The following BTAF1 variants were observed in gnomAD, a reference collection of about 807,000 sequenced individuals.
BTAF1 encodes TATA-binding protein-associated factor 172.
Under a neutral mutation model 227.1 loss-of-function variants are expected in BTAF1, and 38 were observed. That is an observed-to-expected ratio of 0.17 (90% CI 0.13 to 0.22). The LOEUF (loss-of-function observed/expected upper bound fraction) is 0.22, where lower values mean the gene tolerates loss of function less well. BTAF1 is among the 10% of genes least tolerant of loss of function. The probability of loss-of-function intolerance (pLI) is 1.00; values close to 1 mark genes in which losing one functional copy is unlikely to be tolerated. For synonymous variants in BTAF1, 742 were observed against 751.9 expected, an observed-to-expected ratio of 0.99 and a Z score of 0.21; for missense variants, 1,598 against 2,204.0, an observed-to-expected ratio of 0.73 and a Z score of 5.51.
Position 91,982,040 on chromosome 10 carries a change from T to A in BTAF1, c.1906-43T>A, listed in dbSNP as rs1848100883. ...ATTTTTGTTGTTGCCTATTCAGTTTTAATGGTTAATCTTTATTGTTTTTTT... is the reference window on the plus strand; with the variant it reads ...ATTTTTGTTGTTGCCTATTCAGTTTAAATGGTTAATCTTTATTGTTTTTTT... On this transcript the variant is annotated intron_variant, in intron 16 of 37. Coordinates refer to ENST00000265990, the MANE Select transcript of BTAF1 (RefSeq NM_003972.3). 4 of 1,582,364 alleles carry A rather than the reference T, an allele frequency of 2.5e-6. No homozygotes were observed. The East Asian group carries it at 9.0e-5, about 36-fold the overall frequency.
chr10:91,932,164 A>G (rs2133776404), intron 1 of BTAF1, among the ~76,000 whole-genome samples: 1 of 152,312 alleles, frequency 6.6e-6, no homozygotes, highest in East Asian at 1.9e-4. Flanking sequence ...AGGAGTTCTA[A>G]GTGAAGCTGG....
At chr10:91,992,448 T>TTA in intron 21 of BTAF1, 139 bp downstream of exon 21, 1 of 803,116 alleles carries the variant, frequency 1.2e-6, no homozygotes, top group Non-Finnish European at 1.9e-6. Flanking sequence ...ACTCCAACAA[T>TTA]ATGATCCAGA....
intron 1 of BTAF1, among the ~76,000 whole-genome samples, chr10:91,930,698 A>G (rs553522871): frequency 6.6e-6 from 1 of 152,364 alleles, no homozygotes; most frequent in African/African-American, 2.4e-5. Context: ...AGTTCCACGT[A>G]TTAAGTACAC....
At chr10:91,946,567 C>T (rs1845378452) in intron 4 of BTAF1, among the ~76,000 whole-genome samples, 1 of 152,134 alleles carries the variant, frequency 6.6e-6, no homozygotes, top group African/African-American at 2.4e-5. Flanking sequence ...TTTCCTAACA[C>T]TTATTATCTG....
intron 21 of BTAF1, among the ~76,000 whole-genome samples, chr10:91,993,407 A>C (rs1436580141): frequency 6.6e-6 from 1 of 152,154 alleles, no homozygotes; most frequent in Non-Finnish European, 1.5e-5. Flanking sequence ...AAAAAATGTC[A>C]CTTAGGACTA....
chr10:91,925,428 CTG>C (rs1259188987), intron 1 of BTAF1, among the ~76,000 whole-genome samples: 2 of 151,740 alleles, frequency 1.3e-5, no homozygotes, highest in Non-Finnish European at 2.9e-5. Context: ...TTAGAGCAAC[CTG>C]TGCATTTTCA....
rs779714072 is a variant in BTAF1, at chr10:91,984,285, C to G, written c.2308C>G (p.Pro770Ala). The G allele has an allele frequency of 4.3e-6, 7 of 1,613,780 alleles. No homozygotes were observed. Among genetic ancestry groups the G allele is most frequent in the Non-Finnish European group, 5.9e-6 (7 of 1,179,828 alleles). Reference sequence around the variant, plus strand: ...TTTATATTATGACGAAATTGCCGTTCCATTCACACGAATGCAGAATGAATG... The same window carrying G: ...TTTATATTATGACGAAATTGCCGTTGCATTCACACGAATGCAGAATGAATG... The part of the protein sequence containing the change: ...EHLYYDEIAV[P>A]FTRMQNECKQ... Residue 770 changes from proline to alanine, a missense_variant, in exon 19 of 38, where the codon CCA (proline) becomes GCA (alanine). Around this residue, in one of 10 missense-constraint regions of BTAF1, gnomAD observed 318 missense variants for 435.0 expected, o/e 0.73. Transcript: ENST00000265990.
chr10:92,013,560 TA>T, intron 30 of BTAF1, 106 bp from the exon 31 acceptor site: 1 of 1,383,922 alleles, frequency 7.2e-7, no homozygotes, highest in Non-Finnish European at 1.0e-6. Context: ...AATATAGTGA[TA>T]ATCTCTCATC....
At chr10:92,007,561 A>G (rs1046609859) in intron 25 of BTAF1, among the ~76,000 whole-genome samples, 4 of 152,154 alleles carry the variant, frequency 2.6e-5, no homozygotes, top group African/African-American at 9.6e-5. Flanking sequence ...CTATTTGAAA[A>G]AATGCTAATG....
chr10:91,938,988 A>AG (rs1564657647), intron 2 of BTAF1, among the ~76,000 whole-genome samples: 34 of 141,898 alleles, frequency 2.4e-4, no homozygotes, highest in African/African-American at 8.8e-4. Context: ...AAAAAAAAAA[A>AG]AGGGGGGGGG....
chr10:91,975,260 T>C (rs761209693), intron 14 of BTAF1, among the ~76,000 whole-genome samples: 13 of 152,242 alleles, frequency 8.5e-5, no homozygotes, highest in Non-Finnish European at 1.9e-4. Flanking sequence ...CATGAAGATA[T>C]ACATGAGATT....
chr10:91,992,411 T>A, intron 21 of BTAF1, 102 bp downstream of exon 21: 1 of 1,135,854 alleles, frequency 8.8e-7, no homozygotes, highest in Non-Finnish European at 1.2e-6. Context: ...TGTTTTTAAG[T>A]AAAGAAATGG....
intron 26 of BTAF1, 61 bp downstream of exon 26, chr10:92,008,336 T>TC: frequency 1.4e-6 from 2 of 1,396,694 alleles, no homozygotes; most frequent in Non-Finnish European, 1.9e-6. Flanking sequence ...TGTGGGTTTG[T>TC]TGGGGGGGGC....
chr10:91,982,347 T>C lies in BTAF1; in HGVS notation c.2048+122T>C, dbSNP rs181195684. 189 of 1,361,710 alleles carry C rather than the reference T, an allele frequency of 1.4e-4. No individual in the cohort carries two copies. In the African/African-American group the frequency reaches 2.6e-3, roughly 19 times the overall value. The allele number at this position is 1,361,710 out of a possible 1,614,324, so 84.4% of individuals were successfully genotyped here. On this transcript the variant is annotated intron_variant, in intron 17 of 37. Transcript: ENST00000265990. ...TCCTTCCTTCCTTCATCACACTAAT[T>C]ATAGCCTAAGGAAAAATTAGAGTAA...
At chr10:91,964,249 T>A (rs1388385620) in intron 13 of BTAF1, 48 bp downstream of exon 13, 1 of 1,568,236 alleles carries the variant, frequency 6.4e-7, no homozygotes, top group East Asian at 2.2e-5. Flanking sequence ...TTTACATACC[T>A]TTCGAGATAA....
intron 25 of BTAF1, among the ~76,000 whole-genome samples, chr10:92,001,965 A>C (rs1473885323): frequency 1.5e-4 from 14 of 91,862 alleles, no homozygotes; most frequent in Admixed American, 1.4e-3. Flanking sequence ...AAAAAAAAAA[A>C]AACCATATAT....
Position 92,009,279 on chromosome 10 carries a change from A to G in BTAF1, c.4103+71A>G, listed in dbSNP as rs1194562319. 4.1e-6 allele frequency: 6 copies of G among 1,466,974 alleles called. No homozygotes were observed. The East Asian group carries it at 9.2e-5, about 22-fold the overall frequency. The allele number at this position is 1,466,974 out of a possible 1,614,324, so 90.9% of individuals were successfully genotyped here. ...ATTAAGATAAGGAACAGTAACATTT[A>G]TTAAAGTGAATTCTAATTAGCTCTT... On this transcript the variant is annotated intron_variant, in intron 28 of 37. Coordinates refer to ENST00000265990, the MANE Select transcript of BTAF1 (RefSeq NM_003972.3).
rs1489813849 is a variant in BTAF1 at position 91,981,734 on chromosome 10, A to T, written c.1847A>T (p.Gln616Leu). Reference protein sequence around the residue: ...WMGAWLCLMMQPSHLPIDLNM... With the variant: ...WMGAWLCLMMLPSHLPIDLNM... ...GGTGCTTGGCTTTGCTTGATGATGC[A>T]GCCTTCTCATTTACCTATCGATTTA... Residue 616 changes from glutamine to leucine, a missense_variant, in exon 16 of 38, where the codon CAG (glutamine) becomes CTG (leucine). By Grantham distance (113) the Gln-to-Leu change is moderately radical (BLOSUM62 -2). Transcript: ENST00000265990. The T allele has an allele frequency of 6.2e-7, 1 of 1,613,862 alleles. No individual in the cohort carries two copies. The highest frequency in any genetic ancestry group is 8.5e-7 in the Non-Finnish European group (1 of 1,179,856).
In BTAF1 at chr10:91,982,164, A is replaced by G. The variant is rs761415793; in HGVS notation, c.1987A>G (p.Ile663Val). 3 of 1,613,948 alleles carry G rather than the reference A, an allele frequency of 1.9e-6. No individual in the cohort carries two copies. Among genetic ancestry groups the G allele is most frequent in the African/African-American group, 1.3e-5 (1 of 74,926 alleles). Residue 663 changes from isoleucine to valine, a missense_variant, in exon 17 of 38, where the codon ATC (isoleucine) becomes GTC (valine). Transcript: ENST00000265990. ...GGAGTATATTGCAGGTGCCGACACC[A>G]TCATGGAAGACCCAGCCACCAGGGA... ...LQEYIAGADTIMEDPATRDFV... is the reference protein window; with the variant it reads ...LQEYIAGADTVMEDPATRDFV...
Sources: gnomAD v4.1 joint callset for allele counts (sites outside exome capture counted in the v4.1 genomes callset) on GRCh38, gnomAD v4.1.1 for gene constraint, gnomAD v4.1.1 regional missense constraint, MANE v1.5 for transcripts, NCBI Gene and HGNC (gene_info 2026-07-23, HGNC 2026-07-21) for gene names.